The following DISC1 variants were observed in gnomAD, a reference collection of about 807,000 sequenced individuals.
The protein encoded by DISC1 is disrupted in schizophrenia 1 protein.
DISC1 carries 57 observed loss-of-function variants against 84.5 expected under a neutral mutation model. The ratio of observed to expected loss-of-function variants is 0.67; its 90% CI spans 0.55 to 0.84. The LOEUF (loss-of-function observed/expected upper bound fraction) is 0.84, where lower values mean the gene tolerates loss of function less well. Among genes scored for constraint, DISC1 ranks in the 40% least tolerant of loss-of-function variants. The pLI is 0.00. For synonymous variants in DISC1, 411 were observed against 415.2 expected (o/e 0.99, Z 0.12); for missense variants, 1,000 against 1,057.8 (o/e 0.95, Z 0.76).
At chr1:231,787,599 G>A (rs9803690) in intron 6 of DISC1, among the ~76,000 whole-genome samples, 95,089 of 152,060 alleles carry the variant, frequency 0.63, 30,072 homozygotes, top group Admixed American at 0.69. Flanking sequence ...CTCTCGACAC[G>A]GTTGCCTTGG....
At chr1:231,998,545 G>T (rs1666260928) in intron 10 of DISC1, among the ~76,000 whole-genome samples, 1 of 152,122 alleles carries the variant, frequency 6.6e-6, no homozygotes, top group Admixed American at 6.5e-5. Flanking sequence ...ATCGACCTCA[G>T]ACTTCTCAAT....
At chr1:231,788,154 C>T (rs781466706) in intron 6 of DISC1, among the ~76,000 whole-genome samples, 1 of 152,026 alleles carries the variant, frequency 6.6e-6, no homozygotes, top group Non-Finnish European at 1.5e-5. Flanking sequence ...GGTGTGCTGG[C>T]GCAGGCCTGT....
intron 1 of DISC1, among the ~76,000 whole-genome samples, chr1:231,665,004 T>C (rs2061894766): frequency 6.6e-6 from 1 of 152,326 alleles, no homozygotes; most frequent in African/African-American, 2.4e-5. Context: ...ACACATCTAT[T>C]CTAAAAAGTA....
chr1:231,996,989 C>G (rs1666041916), intron 10 of DISC1, among the ~76,000 whole-genome samples: 1 of 152,154 alleles, frequency 6.6e-6, no homozygotes. Flanking sequence ...CTGAAGACTT[C>G]AAAATCAACC....
chr1:231,907,131 C>CTTCCTTCCTCTTTCTT (rs1334782802), intron 9 of DISC1, among the ~76,000 whole-genome samples: 9 of 93,202 alleles, frequency 9.7e-5, no homozygotes, highest in African/African-American at 3.8e-4. Flanking sequence ...TCCTTCCTTC[C>CTTCCTTCCTCTTTCTT]TCTTTCTTTC....
At chr1:231,844,752 C>T (rs368515640) in intron 9 of DISC1, among the ~76,000 whole-genome samples, 15 of 151,612 alleles carry the variant, frequency 9.9e-5, no homozygotes, top group East Asian at 7.8e-4. Context: ...CGTGAAACCC[C>T]GTCTCTACTA....
intron 6 of DISC1, among the ~76,000 whole-genome samples, chr1:231,780,252 G>GAAAAAAAAAAAAAAAAAAAA (rs34768925): frequency 2.5e-5 from 3 of 120,232 alleles, no homozygotes; most frequent in African/African-American, 3.4e-5. Context: ...AAAAAAAAAA[G>GAAAAAAAAAAAAAAAAAAAA]AAAAGGAAAG....
intron 3 of DISC1, among the ~76,000 whole-genome samples, chr1:231,725,294 G>A (rs1337950618): frequency 6.6e-6 from 1 of 152,198 alleles, no homozygotes; most frequent in Non-Finnish European, 1.5e-5. Context: ...CAAGCCTCCT[G>A]ACCCAAACAG....
rs1558346222 is a variant in DISC1 at position 231,693,877 on chromosome 1, C to G, written c.119C>G (p.Ala40Gly). 1 of 1,614,118 alleles carries G rather than the reference C, an allele frequency of 6.2e-7. No individual in the cohort carries two copies. Among genetic ancestry groups the G allele is most frequent in the South Asian group, 1.1e-5 (1 of 91,082 alleles). ...PAACFRRRRL[A>G]RRPGYMRSST... is the part of the protein sequence containing the mutation. ...GCGTGCTTTCGGAGGCGGCGGCTGG[C>G]ACGGAGGCCGGGCTACATGAGAAGC... The change falls in exon 2 of 13, where the codon GCA becomes GGA. Residue 40 changes from alanine (A) to glycine (G), a missense_variant. Ala to Gly is a moderately conservative substitution (Grantham distance 60, BLOSUM62 0). Coordinates refer to ENST00000439617, the MANE Select transcript of DISC1 (RefSeq NM_018662.3).
intron 9 of DISC1, among the ~76,000 whole-genome samples, chr1:231,820,770 C>T (rs888423037): frequency 3.3e-5 from 5 of 152,206 alleles, no homozygotes; most frequent in Admixed American, 1.3e-4. Context: ...ATCTCTGCTA[C>T]GGCCACATCC....
At chr1:231,964,543 T>C (rs931889093) in intron 10 of DISC1, among the ~76,000 whole-genome samples, 1 of 152,190 alleles carries the variant, frequency 6.6e-6, no homozygotes, top group African/African-American at 2.4e-5. Context: ...AAAAAGCAGC[T>C]AGGAGTCTGC....
chr1:231,701,826 GT>G (rs931226217), intron 2 of DISC1, 128 bp from the exon 3 acceptor site: 768 of 760,408 alleles, frequency 1.0e-3, no homozygotes, highest in Non-Finnish European at 1.1e-3. Flanking sequence ...GTGCATTTTT[GT>G]TTTTTTTTTA....
chr1:232,014,403 T>C (rs1192828931), intron 11 of DISC1, among the ~76,000 whole-genome samples: 1 of 152,186 alleles, frequency 6.6e-6, no homozygotes, highest in Non-Finnish European at 1.5e-5. Context: ...TTTAATGTCT[T>C]TGGGGAGAAA....
At chr1:231,969,633 G>T (rs1165010226) in intron 10 of DISC1, among the ~76,000 whole-genome samples, 1 of 147,872 alleles carries the variant, frequency 6.8e-6, no homozygotes, top group Non-Finnish European at 1.5e-5. Flanking sequence ...AAGTTCTAGG[G>T]TACGTGTGCA....
At chr1:231,694,840 G>T (rs1377470525) in intron 2 of DISC1, 35 bp downstream of exon 2, 1 of 1,607,686 alleles carries the variant, frequency 6.2e-7, no homozygotes, top group South Asian at 1.1e-5. Flanking sequence ...GCCCGAGATT[G>T]TCGTGAGCTC....
intron 1 of DISC1, among the ~76,000 whole-genome samples, chr1:231,637,622 CATTT>C (rs1428464163): frequency 6.6e-6 from 1 of 151,516 alleles, no homozygotes; most frequent in African/African-American, 2.4e-5. Context: ...TGACTTGTTT[CATTT>C]AAGATAACGG....
intron 9 of DISC1, among the ~76,000 whole-genome samples, chr1:231,957,172 C>T (rs959058915): frequency 6.6e-6 from 1 of 152,198 alleles, no homozygotes; most frequent in Non-Finnish European, 1.5e-5. Context: ...TTCATCTTTT[C>T]TCCCTATGGA....
intron 9 of DISC1, among the ~76,000 whole-genome samples, chr1:231,870,014 C>T (rs1464433280): frequency 2.6e-5 from 4 of 152,174 alleles, no homozygotes; most frequent in Admixed American, 2.6e-4. Flanking sequence ...GGGGGCACTA[C>T]TTGAGCCTGT....
In DISC1 at chr1:232,037,919, AAC is replaced by A. The variant is rs72376152; in HGVS notation, c.*1092_*1093del. Reference sequence around the variant, plus strand: ...TGCAATACTCAGTGCGGTACTCAGTAACACAGTGCAGTACTCAGTAACAGTGC... The same window carrying A: ...TGCAATACTCAGTGCGGTACTCAGTAACAGTGCAGTACTCAGTAACAGTGC... On this transcript the variant is annotated 3_prime_UTR_variant, in exon 13 of 13. Transcript: ENST00000439617. The A allele has an allele frequency of 0.053, 8,077 of 151,596 alleles. 279 individuals carry two copies. Among genetic ancestry groups the A allele is most frequent in the African/African-American group, 0.086 (3,546 of 41,192 alleles). 9.4% of individuals were successfully genotyped at this position (151,596 alleles called of 1,614,324 possible).
Sources: gnomAD v4.1 joint callset for allele counts (sites outside exome capture counted in the v4.1 genomes callset) on GRCh38, gnomAD v4.1.1 for gene constraint, MANE v1.5 for transcripts, NCBI Gene and HGNC (gene_info 2026-07-23, HGNC 2026-07-21) for gene names.